FBLN2: variants seen among roughly 807,000 people sequenced by gnomAD.
FBLN2 encodes the protein fibulin 2, also known as fibulin-2.
A neutral mutation model predicts 123.7 loss-of-function variants in FBLN2; 81 were observed. The observed-to-expected ratio is 0.65, with a 90% CI of 0.55 to 0.79. FBLN2 has a LOEUF of 0.79. Ranked by LOEUF, FBLN2 falls within the 30% of genes least tolerant of loss-of-function variation. The probability of loss-of-function intolerance (pLI) is 0.00; values close to 1 mark genes in which losing one functional copy is unlikely to be tolerated. For synonymous variants in FBLN2, 699 were observed against 701.4 expected (o/e 1.00, Z 0.05); for missense variants, 1,603 against 1,681.3 (o/e 0.95, Z 0.81).
chr3:13,614,159 G>T lies in FBLN2; in HGVS notation c.1724G>T (p.Arg575Leu), dbSNP rs375186625. ...RRPPEPAAAP[R>L]RVSEAEMAGR... is the part of the protein sequence containing the mutation. ...CCTCCAGAGCCCGCAGCTGCACCAC[G>T]GAGAGGTGAGTGCTGCTCTTCCCTG... Residue 575 changes from arginine to leucine, a missense_variant, in exon 5 of 18, where the codon CGG (arginine) becomes CTG (leucine). Coordinates refer to ENST00000404922, the MANE Select transcript of FBLN2 (RefSeq NM_001004019.2). The T allele has an allele frequency of 6.7e-5, 108 of 1,610,864 alleles. No individual in the cohort carries two copies. The highest frequency in any genetic ancestry group is 8.7e-5 in the Non-Finnish European group (103 of 1,179,766).
Position 13,570,430 on chromosome 3 carries a change from C to A in FBLN2, c.75C>A (p.Ala25=). ...CCCTGGCCCTGGGCCCCAGCGTGGC[C>A]GCAGCTGCCCCTCGGCAGGACTGCA... ...GLALALGPSV[A]AAAPRQDCTG... The change falls in exon 2 of 18, where the codon GCC becomes GCA. Residue 25 remains alanine, a synonymous_variant. Transcript: ENST00000404922. The A allele has an allele frequency of 6.4e-7, 1 of 1,573,228 alleles. No individual in the cohort carries two copies. The highest frequency in any genetic ancestry group is 8.6e-7 in the Non-Finnish European group (1 of 1,160,748).
chr3:13,571,582 G>T lies in FBLN2; in HGVS notation c.1227G>T (p.Pro409=), dbSNP rs748826517. The T allele has an allele frequency of 3.1e-6, 5 of 1,613,270 alleles. No individual in the cohort carries two copies. The highest frequency in any genetic ancestry group is 1.1e-5 in the South Asian group (1 of 90,804). The change falls in exon 2 of 18, where the codon CCG becomes CCT. Residue 409 remains proline, a synonymous_variant. Transcript: ENST00000404922. Reference sequence around the variant, plus strand: ...CCACCCGAGAAGTGCCCAGGAAGCCGCAAGTTCTGCCCCATTCCCACGTGG... The same window carrying T: ...CCACCCGAGAAGTGCCCAGGAAGCCTCAAGTTCTGCCCCATTCCCACGTGG... ...IPPTREVPRK[P]QVLPHSHVEE... is the part of the protein sequence containing the mutation.
At chr3:13,601,549 T>C (rs1220565408) in intron 2 of FBLN2, among the ~76,000 whole-genome samples, 1 of 152,198 alleles carries the variant, frequency 6.6e-6, no homozygotes, top group Admixed American at 6.5e-5. Context: ...GTCTGAGCCA[T>C]GTTCCATTCA....
chr3:13,571,828 C>T (rs1397655191), intron 2 of FBLN2, among the ~76,000 whole-genome samples, 167 bp downstream of exon 2: 1 of 143,176 alleles, frequency 7.0e-6, no homozygotes. Context: ...TGTGAGAGTG[C>T]ATCTTCTCCC....
At chr3:13,635,769 A>G (rs1183968533) in intron 16 of FBLN2, among the ~76,000 whole-genome samples, 2 of 152,190 alleles carry the variant, frequency 1.3e-5, no homozygotes, top group Non-Finnish European at 2.9e-5. Context: ...CACTGGGGAC[A>G]GCATGGGAAT....
At chr3:13,585,612 G>T (rs958767139) in intron 2 of FBLN2, among the ~76,000 whole-genome samples, 1 of 152,176 alleles carries the variant, frequency 6.6e-6, no homozygotes, top group African/African-American at 2.4e-5. Context: ...CAAACCTACC[G>T]CACTGCCAGT....
At chr3:13,587,101 G>T (rs1290496045) in intron 2 of FBLN2, among the ~76,000 whole-genome samples, 1 of 148,920 alleles carries the variant, frequency 6.7e-6, no homozygotes, top group Non-Finnish European at 1.5e-5. Context: ...GCCCAGATTG[G>T]GCCACTGCAT....
chr3:13,609,674 T>TGGG, intron 4 of FBLN2, 32 bp downstream of exon 4: 4 of 62,572 alleles, frequency 6.4e-5, no homozygotes, highest in South Asian at 1.9e-4. Flanking sequence ...CAAGGCAGGG[T>TGGG]GGGGTGGGGC....
At chr3:13,611,279 G>A (rs926452756) in intron 4 of FBLN2, among the ~76,000 whole-genome samples, 8 of 152,190 alleles carry the variant, frequency 5.3e-5, no homozygotes, top group Non-Finnish European at 1.2e-4. Context: ...AAATACACAT[G>A]ATGTAAAATT....
Position 13,570,828 on chromosome 3 carries a change from G to A in FBLN2, c.473G>A (p.Arg158Gln), listed in dbSNP as rs576845893. 81 of 1,603,974 alleles carry A rather than the reference G, an allele frequency of 5.0e-5. No homozygotes were observed. The East Asian group carries it at 6.1e-4, about 12-fold the overall frequency. ...AGHTVHLPPC[R>Q]ACHCPDAGGE... ...CACACTGTTCACCTGCCGCCCTGCC[G>A]GGCCTGCCACTGCCCTGACGCCGGT... The change falls in exon 2 of 18, where the codon CGG (arginine) becomes CAG (glutamine). Residue 158 changes from arginine to glutamine, a missense_variant. By Grantham distance (43) the Arg-to-Gln change is conservative. Coordinates refer to ENST00000404922, the MANE Select transcript of FBLN2 (RefSeq NM_001004019.2).
At chr3:13,617,661 A>G (rs1010134721) in intron 5 of FBLN2, among the ~76,000 whole-genome samples, 2 of 66,276 alleles carry the variant, frequency 3.0e-5, no homozygotes, top group Non-Finnish European at 5.7e-5. Flanking sequence ...CCATCTACCC[A>G]CCCATCCACC....
At chr3:13,552,933 G>A (rs1217007624) in intron 1 of FBLN2, among the ~76,000 whole-genome samples, 1 of 152,114 alleles carries the variant, frequency 6.6e-6, no homozygotes, top group African/African-American at 2.4e-5. Context: ...CATCCCCAGG[G>A]GTGCCTGCAT....
chr3:13,611,997 G>A (rs1267740414), intron 4 of FBLN2, among the ~76,000 whole-genome samples: 1 of 152,214 alleles, frequency 6.6e-6, no homozygotes, highest in Non-Finnish European at 1.5e-5. Flanking sequence ...CCTTCCAGAA[G>A]GGACCTCATC....
At chr3:13,631,586 C>T in intron 16 of FBLN2, 129 bp downstream of exon 16, 1 of 1,123,800 alleles carries the variant, frequency 8.9e-7, no homozygotes, top group Non-Finnish European at 1.2e-6. Flanking sequence ...TGCAGGATGG[C>T]CAATGCTACC....
chr3:13,614,673 C>CCAT (rs1705528164), intron 5 of FBLN2, among the ~76,000 whole-genome samples: 1 of 55,600 alleles, frequency 1.8e-5, no homozygotes, highest in Non-Finnish European at 3.6e-5. Flanking sequence ...CATCCATCCA[C>CCAT]CTACCCACCC....
At chr3:13,609,138 C>CA (rs1705303532) in intron 3 of FBLN2, among the ~76,000 whole-genome samples, 1 of 152,228 alleles carries the variant, frequency 6.6e-6, no homozygotes. Context: ...CCAGGCAGCC[C>CA]AACAGTGACT....
intron 2 of FBLN2, among the ~76,000 whole-genome samples, chr3:13,593,445 G>A (rs1010550773): frequency 1.3e-5 from 2 of 152,196 alleles, no homozygotes; most frequent in Non-Finnish European, 2.9e-5. Context: ...GCTGGGCGCA[G>A]TGGCTCATAC....
Position 13,637,882 on chromosome 3 carries a change from C to A in FBLN2, c.3659C>A (p.Ala1220Asp). 1 of 1,603,352 alleles carries A rather than the reference C, an allele frequency of 6.2e-7. No individual in the cohort carries two copies. Among genetic ancestry groups the A allele is most frequent in the Non-Finnish European group, 8.5e-7 (1 of 1,172,748 alleles). ...CAGGGCTCCGTCACCACCTTCCTGG[C>A]CAAGATGCACATCTTCTTCACCACC... ...WRQGSVTTFL[A>D]KMHIFFTTFA... Residue 1220 changes from alanine (A) to aspartate (D), a missense_variant, in exon 18 of 18, where the codon GCC becomes GAC. Coordinates refer to ENST00000404922, the MANE Select transcript of FBLN2 (RefSeq NM_001004019.2).
In FBLN2 at chr3:13,629,931, G is replaced by A. The variant is rs749578203; in HGVS notation, c.2954G>A (p.Gly985Asp). The change falls in exon 14 of 18, where the codon GGC becomes GAC. Residue 985 changes from glycine (G) to aspartate (D), a missense_variant. Transcript: ENST00000404922. ...CASGFLLAAD[G>D]KRCEDVNECE... ...TCCGGGTTCCTGCTAGCAGCGGACGGCAAGCGCTGTGAAGGTAGGCTGGCC... is the reference window on the plus strand; with the variant it reads ...TCCGGGTTCCTGCTAGCAGCGGACGACAAGCGCTGTGAAGGTAGGCTGGCC... The A allele has an allele frequency of 1.4e-5, 23 of 1,610,326 alleles. No individual in the cohort carries two copies. The South Asian group carries it at 2.4e-4, about 17-fold the overall frequency.
Sources: gnomAD v4.1 joint callset for allele counts (sites outside exome capture counted in the v4.1 genomes callset) on GRCh38, gnomAD v4.1.1 for gene constraint, MANE v1.5 for transcripts, NCBI Gene and HGNC (gene_info 2026-07-23, HGNC 2026-07-21) for gene names.